Variants in CLCA2 observed in about 807,000 individuals in gnomAD.
The protein encoded by CLCA2 is chloride channel accessory 2, also known as calcium-activated chloride channel regulator 2.
CLCA2 carries 85 observed loss-of-function variants against 82.9 expected under a neutral mutation model. That is an observed-to-expected ratio of 1.03 (90% CI 0.86 to 1.23). The LOEUF (loss-of-function observed/expected upper bound fraction) is 1.23. Ranked by LOEUF, CLCA2 falls within the 50% of genes most tolerant of loss-of-function variation. The pLI is 0.00. For synonymous variants in CLCA2, 421 were observed against 391.7 expected (o/e 1.07, Z -0.88); for missense variants, 1,089 against 1,124.8 (o/e 0.97, Z 0.45).
chr1:86,429,633 A>C (rs1289762350), intron 3 of CLCA2, among the ~76,000 whole-genome samples: 1 of 152,172 alleles, frequency 6.6e-6, no homozygotes, highest in East Asian at 1.9e-4. Flanking sequence ...CTGAGGGAGA[A>C]AATAGTAAGC....
intron 2 of CLCA2, among the ~76,000 whole-genome samples, chr1:86,426,029 A>T (rs921457999): frequency 2.6e-4 from 39 of 152,270 alleles, no homozygotes; most frequent in African/African-American, 8.9e-4. Flanking sequence ...GAGTAGGGGA[A>T]TGGCTACCTT....
At position 86,450,866 on chromosome 1, in the gene CLCA2, A is replaced by T. The variant is rs1662949755; in HGVS notation, c.2155+133A>T. ...AAACTCTTTACGCTTAAGTCCATAC[A>T]TAATTTGTTGACTGTTTCTTCAATC... On this transcript the variant is annotated intron_variant, in intron 12 of 13. Transcript: ENST00000370565. The T allele has an allele frequency of 1.1e-5, 8 of 755,236 alleles. No homozygotes were observed. The East Asian group carries it at 2.1e-4, about 20-fold the overall frequency. The allele number at this position is 755,236 out of a possible 1,614,324, so 46.8% of individuals were successfully genotyped here.
At chr1:86,429,301 G>A (rs1466668269) in intron 3 of CLCA2, among the ~76,000 whole-genome samples, 2 of 152,104 alleles carry the variant, frequency 1.3e-5, no homozygotes, top group African/African-American at 2.4e-5. Context: ...AAATGTTATC[G>A]TACTTAATTC....
intron 9 of CLCA2, 85 bp from the exon 10 acceptor site, chr1:86,443,702 A>G: frequency 1.0e-6 from 1 of 986,170 alleles, no homozygotes; most frequent in South Asian, 1.7e-5. Context: ...TATTTTTGCC[A>G]ATTAATTGTT....
In CLCA2 at chr1:86,455,616, A is replaced by C; in HGVS notation, c.*89A>C. 1 of 826,212 alleles carries C rather than the reference A, an allele frequency of 1.2e-6. No homozygotes were observed. The highest frequency in any genetic ancestry group is 1.7e-6 in the Non-Finnish European group (1 of 581,768). The allele number at this position is 826,212 out of a possible 1,614,324, so 51.2% of individuals were successfully genotyped here. A position where few individuals can be genotyped will look rare whatever the true frequency, so the allele number is the denominator to read the frequency against. ...ACTAACAAAGTCAAATTAACATCAA[A>C]ACTGTATTAAAATGCATTGAGTTTT... On this transcript the variant is annotated 3_prime_UTR_variant, in exon 14 of 14. Transcript: ENST00000370565.
rs149480136 is a variant in CLCA2 at position 86,447,539 on chromosome 1, C to A, written c.1745C>A (p.Thr582Asn). Reference protein sequence around the residue: ...PGHWTYTLNNTHHSLQALKVT... With the variant: ...PGHWTYTLNNNHHSLQALKVT... Reference sequence around the variant, plus strand: ...CACTGGACTTACACCCTGAACAATACCCATCATTCTCTGCAAGCCCTGAAA... The same window carrying A: ...CACTGGACTTACACCCTGAACAATAACCATCATTCTCTGCAAGCCCTGAAA... Residue 582 changes from threonine to asparagine, a missense_variant, in exon 11 of 14, where the codon ACC becomes AAC. Physicochemically the swap from Thr to Asn is moderately conservative, Grantham distance 65 (BLOSUM62 0). Transcript: ENST00000370565. 9 of 1,613,890 alleles carry A rather than the reference C, an allele frequency of 5.6e-6. No individual in the cohort carries two copies. The highest frequency in any genetic ancestry group is 2.7e-5 in the African/African-American group (2 of 74,858).
chr1:86,453,899 TC>T (rs1236576300), intron 13 of CLCA2, among the ~76,000 whole-genome samples: 1 of 152,184 alleles, frequency 6.6e-6, no homozygotes, highest in African/African-American at 2.4e-5. Flanking sequence ...AGCATGTGCT[TC>T]CCAGTACTGG....
At chr1:86,453,234 T>G (rs777245390) in intron 12 of CLCA2, 135 bp from the exon 13 acceptor site, 5 of 628,010 alleles carry the variant, frequency 8.0e-6, no homozygotes, top group South Asian at 4.0e-5. Flanking sequence ...TTCAAAGTAT[T>G]GTACAAATAC....
rs1279355248 is a variant in CLCA2, at chr1:86,441,453, T to C, written c.1398T>C (p.Phe466=). ...LSRLTGGLKF[F]VPDISNSNSM... The stretch of plus-strand genomic sequence containing the variant: ...GTATTTCAGGAGGTTTAAAGTTCTT[T>C]GTTCCAGATATATCAAACTCCAATA... The change falls in exon 9 of 14, where the codon TTT becomes TTC. Residue 466 remains phenylalanine (F), a synonymous_variant. Coordinates refer to ENST00000370565, the MANE Select transcript of CLCA2 (RefSeq NM_006536.7). 1.2e-6 allele frequency: 2 copies of C among 1,601,750 alleles called. No homozygotes were observed. The highest frequency in any genetic ancestry group is 2.2e-5 in the South Asian group (2 of 90,080).
intron 13 of CLCA2, among the ~76,000 whole-genome samples, chr1:86,454,715 C>G (rs1438103948): frequency 6.6e-6 from 1 of 152,132 alleles, no homozygotes; most frequent in Non-Finnish European, 1.5e-5. Flanking sequence ...GCGCTTGAAC[C>G]CGTAAGTCAT....
intron 2 of CLCA2, among the ~76,000 whole-genome samples, chr1:86,427,842 A>G (rs1662419073): frequency 6.6e-6 from 1 of 152,186 alleles, no homozygotes; most frequent in Admixed American, 6.5e-5. Context: ...GTCAGGCCAT[A>G]AGATGAAATA....
intron 3 of CLCA2, 52 bp from the exon 4 acceptor site, chr1:86,430,810 G>A: frequency 3.0e-6 from 4 of 1,326,366 alleles, no homozygotes; most frequent in South Asian, 2.4e-5. Context: ...AGTTAGCAAG[G>A]CACATTGCTG....
intron 13 of CLCA2, 135 bp from the exon 14 acceptor site, chr1:86,454,950 T>C: frequency 1.9e-6 from 1 of 520,642 alleles, no homozygotes; most frequent in Non-Finnish European, 3.3e-6. Context: ...AAAGTTTTGC[T>C]TGTATTCATA....
At position 86,443,934 on chromosome 1, in the gene CLCA2, C is replaced by T. The variant is rs781468140; in HGVS notation, c.1636C>T (p.Arg546Ter). ...GATTATATTATTTGATCCTGATGGA[C>T]GAAAATACTACACAAATAATTTTAT... ...PEIILFDPDG[R>*]KYYTNNFITN... The change falls in exon 10 of 14, where the codon CGA becomes TGA. Residue 546 changes from arginine (R) to a stop codon, truncating the protein, a stop_gained. Transcript: ENST00000370565. LOFTEE classifies it high-confidence loss of function. The T allele has an allele frequency of 8.1e-6, 13 of 1,613,346 alleles. No individual in the cohort carries two copies. Among genetic ancestry groups the T allele is most frequent in the Middle Eastern group, 1.6e-4 (1 of 6,082 alleles).
intron 2 of CLCA2, among the ~76,000 whole-genome samples, chr1:86,425,994 G>A (rs538426682): frequency 2.0e-5 from 3 of 152,092 alleles, no homozygotes; most frequent in Non-Finnish European, 4.4e-5. Context: ...TAGAAGGAAG[G>A]GAGGAAGGAT....
chr1:86,424,424 A>G lies in CLCA2; in HGVS notation c.177A>G (p.Ser59=), dbSNP rs745954323. Residue 59 remains serine (S), a synonymous_variant, in exon 1 of 14, where the codon TCA becomes TCG. Transcript: ENST00000370565. ...PQVPENQNLI[S]NIKEMITEAS... is the part of the protein sequence containing the mutation. Reference sequence around the variant, plus strand: ...TACCTGAGAATCAGAACCTCATCTCAAACATTAAGGTGAGTGGAAATTATG... The same window carrying G: ...TACCTGAGAATCAGAACCTCATCTCGAACATTAAGGTGAGTGGAAATTATG... 1 of 1,610,468 alleles carries G rather than the reference A, an allele frequency of 6.2e-7. No homozygotes were observed. Among genetic ancestry groups the G allele is most frequent in the Non-Finnish European group, 8.5e-7 (1 of 1,178,356 alleles).
chr1:86,451,711 C>A (rs531712736), intron 12 of CLCA2, among the ~76,000 whole-genome samples: 2 of 152,244 alleles, frequency 1.3e-5, no homozygotes, highest in Non-Finnish European at 2.9e-5. Flanking sequence ...GTTTTGAAAC[C>A]CAGCTCCTCC....
chr1:86,443,026 A>C (rs1281171021), intron 9 of CLCA2, among the ~76,000 whole-genome samples: 1 of 147,026 alleles, frequency 6.8e-6, no homozygotes, highest in Non-Finnish European at 1.5e-5. Flanking sequence ...TGAATGGCTA[A>C]ATAATTTTTT....
At chr1:86,426,985 G>C (rs1336229596) in intron 2 of CLCA2, among the ~76,000 whole-genome samples, 1 of 152,144 alleles carries the variant, frequency 6.6e-6, no homozygotes, top group African/African-American at 2.4e-5. Flanking sequence ...CCTGGATGCT[G>C]TTCATTTATC....
Sources: gnomAD v4.1 joint callset for allele counts (sites outside exome capture counted in the v4.1 genomes callset) on GRCh38, gnomAD v4.1.1 for gene constraint, MANE v1.5 for transcripts, NCBI Gene and HGNC (gene_info 2026-07-23, HGNC 2026-07-21) for gene names.